The following PAX7 variants were observed in gnomAD, a reference collection of about 807,000 sequenced individuals.
PAX7 encodes paired box 7.
A neutral mutation model predicts 50.7 loss-of-function variants in PAX7; 18 were observed. The observed-to-expected ratio is 0.36, with a 90% CI of 0.25 to 0.53. The LOEUF is 0.53. Among genes scored for constraint, PAX7 ranks in the 20% least tolerant of loss-of-function variants. PAX7 has a pLI of 0.93. For synonymous variants in PAX7, 310 were observed against 290.4 expected (o/e 1.07, Z -0.69); for missense variants, 644 against 702.9 (o/e 0.92, Z 0.95).
intron 7 of PAX7, among the ~76,000 whole-genome samples, chr1:18,722,105 T>G (rs1392885914): frequency 2.0e-5 from 3 of 152,184 alleles, no homozygotes; most frequent in African/African-American, 7.2e-5. Flanking sequence ...ACTGAAATGC[T>G]TAGAATACTA....
chr1:18,738,357 G>C (rs1296243823), intron 8 of PAX7, among the ~76,000 whole-genome samples: 1 of 152,156 alleles, frequency 6.6e-6, no homozygotes, highest in Non-Finnish European at 1.5e-5. Flanking sequence ...GCAGGCGTTA[G>C]TCACACCCAA....
At chr1:18,722,990 T>C (rs1443734452) in intron 7 of PAX7, among the ~76,000 whole-genome samples, 2 of 152,214 alleles carry the variant, frequency 1.3e-5, no homozygotes, top group Non-Finnish European at 2.9e-5. Flanking sequence ...GAACTGCACA[T>C]TCAGGCACCA....
intron 4 of PAX7, among the ~76,000 whole-genome samples, chr1:18,680,900 G>A (rs752252318): frequency 1.3e-5 from 2 of 152,154 alleles, no homozygotes; most frequent in Non-Finnish European, 2.9e-5. Context: ...GCTCACGCCT[G>A]TAATCCCAGC....
At chr1:18,677,530 G>C (rs1034238506) in intron 4 of PAX7, among the ~76,000 whole-genome samples, 1 of 152,164 alleles carries the variant, frequency 6.6e-6, no homozygotes, top group African/African-American at 2.4e-5. Context: ...ATGCTTCTCT[G>C]TACACCTTGT....
chr1:18,635,303 G>C (rs1447844599), intron 3 of PAX7, 63 bp downstream of exon 3: 1 of 1,582,544 alleles, frequency 6.3e-7, no homozygotes, highest in Non-Finnish European at 8.6e-7. Flanking sequence ...AGTGTGGAGG[G>C]CTGGAGGTGG....
At chr1:18,681,715 A>G (rs1487412523) in intron 4 of PAX7, among the ~76,000 whole-genome samples, 2 of 140,858 alleles carry the variant, frequency 1.4e-5, no homozygotes, top group East Asian at 4.0e-4. Context: ...ATTTTATTTT[A>G]TTTTATTTTA....
intron 5 of PAX7, among the ~76,000 whole-genome samples, chr1:18,693,073 A>G (rs1570179485): frequency 1.3e-5 from 2 of 152,252 alleles, no homozygotes; most frequent in South Asian, 4.1e-4. Flanking sequence ...AGCCGGGACA[A>G]GTCGTGATGA....
chr1:18,738,124 C>G (rs1244781244), intron 8 of PAX7, among the ~76,000 whole-genome samples: 1 of 151,866 alleles, frequency 6.6e-6, no homozygotes, highest in Non-Finnish European at 1.5e-5. Context: ...TAGACATACA[C>G]TGTGTCTGTG....
In PAX7 at chr1:18,745,871, C is replaced by T. The variant is rs1424364825; in HGVS notation, c.*942C>T. 3.9e-5 allele frequency: 9 copies of T among 232,292 alleles called. No homozygotes were observed. The highest frequency in any genetic ancestry group is 8.8e-5 in the African/African-American group (4 of 45,272). 14.4% of individuals were successfully genotyped at this position (232,292 alleles called of 1,614,324 possible). ...TGAGTGGAGGAGCAGGAAGTGGGCT[C>T]AGAAGGCACTTTCATAACCAGATCC... On this transcript the variant is annotated 3_prime_UTR_variant, in exon 9 of 9. Transcript: ENST00000420770.
intron 7 of PAX7, among the ~76,000 whole-genome samples, chr1:18,722,988 C>T (rs560236089): frequency 6.8e-4 from 103 of 152,222 alleles, no homozygotes; most frequent in Non-Finnish European, 1.2e-3. Flanking sequence ...AAGAACTGCA[C>T]ATTCAGGCAC....
chr1:18,696,532 C>T (rs1005287349), intron 5 of PAX7, among the ~76,000 whole-genome samples: 1 of 152,160 alleles, frequency 6.6e-6, no homozygotes, highest in Admixed American at 6.5e-5. Flanking sequence ...TAAAGCACAG[C>T]TATACATATA....
At chr1:18,712,312 T>TC (rs140630764) in intron 7 of PAX7, among the ~76,000 whole-genome samples, 5,596 of 151,996 alleles carry the variant, frequency 0.037, 365 homozygotes, top group African/African-American at 0.13. Context: ...CTCAGTTATT[T>TC]CCCCCCGGCA....
intron 7 of PAX7, among the ~76,000 whole-genome samples, chr1:18,730,064 G>A (rs190065476): frequency 2.0e-5 from 3 of 152,146 alleles, no homozygotes; most frequent in East Asian, 1.9e-4. Context: ...AAGAGGTGTC[G>A]GGGAGGTGAA....
chr1:18,675,536 G>A (rs976176194), intron 4 of PAX7, among the ~76,000 whole-genome samples: 3 of 152,060 alleles, frequency 2.0e-5, no homozygotes. Flanking sequence ...CTGGGCTCTG[G>A]AGGTGGGGTA....
At chr1:18,696,126 C>T (rs1163370190) in intron 5 of PAX7, among the ~76,000 whole-genome samples, 3 of 145,244 alleles carry the variant, frequency 2.1e-5, no homozygotes, top group African/African-American at 5.2e-5. Flanking sequence ...AGTGCAATGG[C>T]GCAGTCTCAG....
intron 4 of PAX7, 29 bp from the exon 5 acceptor site, chr1:18,691,725 C>T: frequency 2.6e-6 from 4 of 1,549,864 alleles, no homozygotes; most frequent in Non-Finnish European, 3.5e-6. Context: ...TAAGCCCCTG[C>T]CTTCTCCCTC....
chr1:18,739,188 G>C (rs1332568458), intron 8 of PAX7, among the ~76,000 whole-genome samples: 1 of 152,220 alleles, frequency 6.6e-6, no homozygotes, highest in African/African-American at 2.4e-5. Flanking sequence ...ACGAGGCTCA[G>C]AGAGGCGAGG....
chr1:18,665,538 G>T (rs180745888), intron 4 of PAX7, among the ~76,000 whole-genome samples: 1 of 151,856 alleles, frequency 6.6e-6, no homozygotes, highest in African/African-American at 2.4e-5. Flanking sequence ...ACCACACCCA[G>T]CTAATTTTTG....
intron 8 of PAX7, among the ~76,000 whole-genome samples, chr1:18,737,635 A>G (rs1930854670): frequency 1.3e-5 from 2 of 152,256 alleles, no homozygotes; most frequent in Admixed American, 1.3e-4. Flanking sequence ...GGCACATGTG[A>G]GCATATGTGT....
Sources: allele counts gnomAD v4.1 joint callset (sites outside exome capture counted in the v4.1 genomes callset), GRCh38; gene constraint gnomAD v4.1.1; transcripts MANE v1.5; gene names NCBI Gene and HGNC (gene_info 2026-07-23, HGNC 2026-07-21).